CCDC34: variants seen among roughly 807,000 people sequenced by gnomAD.
CCDC34 encodes the protein coiled-coil domain-containing protein 34.
Under a neutral mutation model 44.1 loss-of-function variants are expected in CCDC34, and 40 were observed. The ratio of observed to expected loss-of-function variants is 0.91; its 90% CI spans 0.70 to 1.18. The LOEUF is 1.18. CCDC34 is among the 50% of genes most tolerant of loss of function. CCDC34 has a pLI of 0.00. For synonymous variants in CCDC34, 159 were observed against 158.2 expected (o/e 1.01, Z -0.04); for missense variants, 466 against 452.3 (o/e 1.03, Z -0.28).
intron 5 of CCDC34, 125 bp downstream of exon 5, chr11:27,340,571 A>T: frequency 3.1e-6 from 3 of 955,292 alleles, no homozygotes; most frequent in Non-Finnish European, 4.5e-6. Context: ...TTTATAATAT[A>T]ATCTTCTGGA....
At chr11:27,357,303 C>A in intron 2 of CCDC34, 100 bp downstream of exon 2, 1 of 1,178,854 alleles carries the variant, frequency 8.5e-7, no homozygotes, top group Non-Finnish European at 1.2e-6. Flanking sequence ...AATGCAAAGA[C>A]TTTGTTTTCA....
At chr11:27,344,281 A>C (rs879430316) in intron 3 of CCDC34, among the ~76,000 whole-genome samples, 3 of 152,272 alleles carry the variant, frequency 2.0e-5, no homozygotes, top group African/African-American at 7.2e-5. Flanking sequence ...TTACAAGGTG[A>C]TATCAGAAAC....
chr11:27,356,036 T>A (rs1267582661), intron 2 of CCDC34, among the ~76,000 whole-genome samples: 7 of 140,416 alleles, frequency 5.0e-5, no homozygotes, highest in African/African-American at 1.4e-4. Flanking sequence ...TTTTTTTTTT[T>A]AGACAGAGTT....
intron 5 of CCDC34, among the ~76,000 whole-genome samples, chr11:27,339,272 A>T (rs1862320898): frequency 6.6e-6 from 1 of 152,190 alleles, no homozygotes; most frequent in South Asian, 2.1e-4. Flanking sequence ...AATCCAAATA[A>T]CATTAGTGTT....
intron 5 of CCDC34, among the ~76,000 whole-genome samples, 167 bp from the exon 6 acceptor site, chr11:27,339,202 AAC>A (rs1343910601): frequency 6.6e-6 from 1 of 152,232 alleles, no homozygotes; most frequent in Non-Finnish European, 1.5e-5. Flanking sequence ...TCAAATAAGT[AAC>A]ACTTTCCAAA....
chr11:27,348,574 T>A (rs1565059303), intron 3 of CCDC34, among the ~76,000 whole-genome samples: 1 of 152,154 alleles, frequency 6.6e-6, no homozygotes, highest in Non-Finnish European at 1.5e-5. Context: ...ATTCTTTGTG[T>A]CTGATTTTTT....
chr11:27,357,815 T>C (rs1165803560), intron 1 of CCDC34, among the ~76,000 whole-genome samples: 2 of 152,210 alleles, frequency 1.3e-5, no homozygotes, highest in Non-Finnish European at 2.9e-5. Context: ...CCACACCCTA[T>C]ACATTTGCCT....
At chr11:27,339,808 A>G (rs1470334569) in intron 5 of CCDC34, among the ~76,000 whole-genome samples, 2 of 152,238 alleles carry the variant, frequency 1.3e-5, no homozygotes, top group South Asian at 2.1e-4. Context: ...AAAAATTAAT[A>G]AAACAATCCA....
chr11:27,358,914 A>G (rs1341722015), intron 1 of CCDC34, among the ~76,000 whole-genome samples: 1 of 150,976 alleles, frequency 6.6e-6, no homozygotes, highest in Non-Finnish European at 1.5e-5. Context: ...CTCAAGCCAG[A>G]AGCCCTAGCT....
Position 27,341,462 on chromosome 11 carries a change from G to A in CCDC34, c.695C>T (p.Ala232Val). The change falls in exon 4 of 6, where the codon GCA becomes GTA. Residue 232 changes from alanine to valine, a missense_variant. Physicochemically the swap from Ala to Val is moderately conservative, Grantham distance 64. Coordinates refer to ENST00000328697, the MANE Select transcript of CCDC34 (RefSeq NM_030771.2). Reference sequence around the variant, plus strand: ...TAACCATTCTTGATATTTTTCTTTTGCTTTTTCTTGCAAGTATTCTTTCTC... The same window carrying A: ...TAACCATTCTTGATATTTTTCTTTTACTTTTTCTTGCAAGTATTCTTTCTC... ...ELEKEYLQEK[A>V]KEKYQEWLKK... is the part of the protein sequence containing the mutation. 1 of 1,427,068 alleles carries A rather than the reference G, an allele frequency of 7.0e-7. No individual in the cohort carries two copies. The highest frequency in any genetic ancestry group is 9.4e-7 in the Non-Finnish European group (1 of 1,059,136). 88.4% of individuals were successfully genotyped at this position (1,427,068 alleles called of 1,614,324 possible). A position where few individuals can be genotyped will look rare whatever the true frequency, so the allele number is the denominator to read the frequency against.
In CCDC34 at chr11:27,341,930, G is replaced by A. The variant is rs530499485; in HGVS notation, c.607-380C>T. ...CATAGGGGCAATTCTTTCCCATGCT[G>A]TTCTCATGATGGTGAATAAGTCTTG... On this transcript the variant is annotated intron_variant, in intron 3 of 5. Transcript: ENST00000328697. 8.5e-5 allele frequency among the ~76,000 whole-genome samples: 13 copies of A among 152,264 alleles called. No homozygotes were observed. In the South Asian group the frequency reaches 1.0e-3, roughly 12 times the overall value.
rs748754442 is a variant in CCDC34, at chr11:27,363,211, A to G, written c.-17T>C. The G allele has an allele frequency of 6.9e-7, 1 of 1,448,672 alleles. No homozygotes were observed. Among genetic ancestry groups the G allele is most frequent in the Non-Finnish European group, 9.0e-7 (1 of 1,107,752 alleles). The allele number at this position is 1,448,672 out of a possible 1,614,324, so 89.7% of individuals were successfully genotyped here. A position where few individuals can be genotyped will look rare whatever the true frequency, so the allele number is the denominator to read the frequency against. ...CGCCCACATCTGGCCCGCCAAGTTCAAACTGGCGGAGCCGCGGCGGGGACG... is the reference window on the plus strand; with the variant it reads ...CGCCCACATCTGGCCCGCCAAGTTCGAACTGGCGGAGCCGCGGCGGGGACG... On this transcript the variant is annotated 5_prime_UTR_variant, in exon 1 of 6. Coordinates refer to ENST00000328697, the MANE Select transcript of CCDC34 (RefSeq NM_030771.2).
intron 4 of CCDC34, 86 bp from the exon 5 acceptor site, chr11:27,340,923 T>A: frequency 7.8e-7 from 1 of 1,288,046 alleles, no homozygotes. Flanking sequence ...TTTTCTCCAG[T>A]AGCTTCCTAC....
intron 2 of CCDC34, among the ~76,000 whole-genome samples, chr11:27,352,460 T>TAC (rs908968230): frequency 6.6e-6 from 1 of 151,968 alleles, no homozygotes; most frequent in African/African-American, 2.4e-5. Context: ...TACATATATA[T>TAC]ACATGTACAC....
intron 2 of CCDC34, among the ~76,000 whole-genome samples, chr11:27,353,017 C>G (rs1862524392): frequency 6.6e-6 from 1 of 152,144 alleles, no homozygotes; most frequent in Admixed American, 6.5e-5. Context: ...TTCGAAAGGC[C>G]CCTACATGGT....
At chr11:27,348,885 G>C (rs1012742878) in intron 3 of CCDC34, 1 of 978,550 alleles carries the variant, frequency 1.0e-6, no homozygotes, top group Non-Finnish European at 1.2e-6. Flanking sequence ...TAACGTCTCA[G>C]TTTTATTTTT....
At position 27,352,751 on chromosome 11, in the gene CCDC34, C is replaced by T. The variant is rs529033765; in HGVS notation, c.499-2312G>A. On this transcript the variant is annotated intron_variant, in intron 2 of 5. Transcript: ENST00000328697. ...GAAACCCTGTACTCCTATTTGATGG[C>T]TAACAAATTTTAGTTAATGTTGATT... is the stretch of plus-strand genomic sequence containing the variant. 2.0e-5 allele frequency among the ~76,000 whole-genome samples: 3 copies of T among 152,210 alleles called. No homozygotes were observed. The East Asian group carries it at 5.8e-4, about 29-fold the overall frequency.
chr11:27,362,270 T>C (rs1269739258), intron 1 of CCDC34, among the ~76,000 whole-genome samples: 1 of 152,138 alleles, frequency 6.6e-6, no homozygotes, highest in Non-Finnish European at 1.5e-5. Flanking sequence ...GGTCCTAACA[T>C]TGATACAATG....
intron 1 of CCDC34, among the ~76,000 whole-genome samples, chr11:27,362,526 G>A (rs1039501622): frequency 5.9e-5 from 9 of 152,214 alleles, no homozygotes; most frequent in African/African-American, 2.2e-4. Flanking sequence ...TCTGGCTTTT[G>A]AGGATTCATA....
Sources: gnomAD v4.1 joint callset for allele counts (sites outside exome capture counted in the v4.1 genomes callset) on GRCh38, gnomAD v4.1.1 for gene constraint, MANE v1.5 for transcripts, NCBI Gene and HGNC (gene_info 2026-07-23, HGNC 2026-07-21) for gene names.